CLCN7: variants seen among roughly 807,000 people sequenced by gnomAD.
CLCN7 encodes H(+)/Cl(-) exchange transporter 7.
CLCN7 carries 60 observed loss-of-function variants against 102.1 expected under a neutral mutation model. That is an observed-to-expected ratio of 0.59 (90% CI 0.48 to 0.73). The LOEUF (loss-of-function observed/expected upper bound fraction) is 0.73. CLCN7 is among the 30% of genes least tolerant of loss of function. The pLI, the probability that CLCN7 is intolerant of heterozygous loss-of-function variation, is 0.00. For synonymous variants in CLCN7, 560 were observed against 490.5 expected (o/e 1.14, Z -1.87); for missense variants, 962 against 1,125.7 (o/e 0.85, Z 2.08).
At chr16:1,449,859 T>C (rs1186973526) in intron 17 of CLCN7, 1 of 183,132 alleles carries the variant, frequency 5.5e-6, no homozygotes. Context: ...GGTATTTGAA[T>C]CATGTTTCAA....
intron 4 of CLCN7, 89 bp from the exon 5 acceptor site, chr16:1,461,037 C>T: frequency 1.3e-6 from 2 of 1,525,398 alleles, no homozygotes; most frequent in Non-Finnish European, 1.8e-6. Flanking sequence ...CCTGCAGGCC[C>T]CGGGATTATG....
chr16:1,465,451 G>T (rs1011744380), intron 1 of CLCN7, 113 bp from the exon 2 acceptor site: 16 of 957,390 alleles, frequency 1.7e-5, no homozygotes, highest in Non-Finnish European at 2.6e-5. Flanking sequence ...GGGAGCTCAG[G>T]AATGGGCTAG....
intron 5 of CLCN7, 59 bp from the exon 6 acceptor site, chr16:1,460,586 C>A: frequency 7.1e-7 from 1 of 1,417,764 alleles, no homozygotes; most frequent in Non-Finnish European, 9.9e-7. Flanking sequence ...GCCCAGACCT[C>A]AGCCCTGCCC....
chr16:1,474,370 G>A (rs2039121346), intron 1 of CLCN7: 3 of 353,266 alleles, frequency 8.5e-6, no homozygotes, highest in South Asian at 6.2e-5. Context: ...CTCACTGAAA[G>A]ACAGTGACCC....
chr16:1,452,782 C>G lies in CLCN7; in HGVS notation c.1326G>C (p.Gln442His). Residue 442 changes from glutamine (Q) to histidine (H), a missense_variant, in exon 15 of 25, where the codon CAG becomes CAC. This residue lies in a region of CLCN7 where 799 missense variants were observed against 988.0 expected (regional missense o/e 0.81). Transcript: ENST00000382745. ...IYSSRDCQPL[Q>H]GGSMSYPLQL... The stretch of plus-strand genomic sequence containing the variant: ...GCAGCGGGTAGGACATGGAGCCCCC[C>G]TGCAGGGGCTGGCAATCCCGCGACG... 6.2e-7 allele frequency: 1 copy of G among 1,605,378 alleles called. No homozygotes were observed. Among genetic ancestry groups the G allele is most frequent in the Non-Finnish European group, 8.5e-7 (1 of 1,176,570 alleles).
Position 1,461,615 on chromosome 16 carries a change from G to T in CLCN7, c.273C>A (p.Ser91=). The T allele has an allele frequency of 6.2e-7, 1 of 1,614,142 alleles. No homozygotes were observed. Among genetic ancestry groups the T allele is most frequent in the Middle Eastern group, 1.6e-4 (1 of 6,062 alleles). The change falls in exon 3 of 25, where the codon TCC becomes TCA. Residue 91 remains serine, a synonymous_variant. Transcript: ENST00000382745. ...GAAGGACGCCCACCTCATACTTGAG[G>T]GACAGGAGCTTCTCGTTGTGTGGGA... ...KEIPHNEKLL[S]LKYESLDYDN...
At position 1,449,594 on chromosome 16, in the gene CLCN7, C is replaced by G. The variant is rs540222536; in HGVS notation, c.1618-267G>C. 4 of 573,762 alleles carry G rather than the reference C, an allele frequency of 7.0e-6. No individual in the cohort carries two copies. The African/African-American group carries it at 7.5e-5, about 11-fold the overall frequency. 35.5% of individuals were successfully genotyped at this position (573,762 alleles called of 1,614,324 possible). A position where few individuals can be genotyped will look rare whatever the true frequency, so the allele number is the denominator to read the frequency against. ...GAGGGCACAGTCACCACGCAGCAGCCCAGGCCAACTAGGGAGCACCGTCCA... is the reference window on the plus strand; with the variant it reads ...GAGGGCACAGTCACCACGCAGCAGCGCAGGCCAACTAGGGAGCACCGTCCA... On this transcript the variant is annotated intron_variant, in intron 17 of 24. Transcript: ENST00000382745.
chr16:1,453,558 G>A (rs2038787335), intron 14 of CLCN7, among the ~76,000 whole-genome samples: 1 of 152,190 alleles, frequency 6.6e-6, no homozygotes. Flanking sequence ...GGCATGCCTC[G>A]CCCAGGCCCG....
chr16:1,453,955 C>T (rs552881278), intron 13 of CLCN7, 61 bp from the exon 14 acceptor site: 30 of 1,547,540 alleles, frequency 1.9e-5, no homozygotes, highest in Middle Eastern at 1.7e-4. Flanking sequence ...CTCCGCCCGC[C>T]GGCTCCCAGA....
Position 1,449,304 on chromosome 16 carries a change from G to A in CLCN7, c.1641C>T (p.Tyr547=), listed in dbSNP as rs1287838939. Residue 547 remains tyrosine, a synonymous_variant, in exon 18 of 25, where the codon TAC becomes TAT. Transcript: ENST00000382745. ...GCTGGGCAGCAGCTCCCATCAGGGC[G>A]TATTTGCCGGGGTCCGCCCAGATCT... ...GAAIWADPGK[Y]ALMGAAAQLG... The A allele has an allele frequency of 2.0e-5, 31 of 1,588,396 alleles. No individual in the cohort carries two copies. Among genetic ancestry groups the A allele is most frequent in the Admixed American group, 5.3e-5 (3 of 56,318 alleles).
chr16:1,451,086 C>T (rs1032590859), intron 16 of CLCN7, among the ~76,000 whole-genome samples: 3 of 152,208 alleles, frequency 2.0e-5, no homozygotes, highest in South Asian at 2.1e-4. Context: ...CGGGTGAGAC[C>T]GCCAGGGACA....
rs1596211495 is a variant in CLCN7, at chr16:1,448,398, T to C, written c.1970A>G (p.Asn657Ser). 5.0e-6 allele frequency: 8 copies of C among 1,612,756 alleles called. No individual in the cohort carries two copies. The highest frequency in any genetic ancestry group is 1.3e-5 in the African/African-American group (1 of 75,048). The stretch of plus-strand genomic sequence containing the variant: ...CTCCACCACGGGGAAGCCGTTGTGA[T>C]TGGACGCCGTGTCGCTCAGCACGTC... Reference protein sequence around the residue: ...IVDVLSDTASNHNGFPVVEHA... With the variant: ...IVDVLSDTASSHNGFPVVEHA... The change falls in exon 21 of 25, where the codon AAT becomes AGT. Residue 657 changes from asparagine (N) to serine (S), a missense_variant. Coordinates refer to ENST00000382745, the MANE Select transcript of CLCN7 (RefSeq NM_001287.6).
At position 1,451,675 on chromosome 16, in the gene CLCN7, G is replaced by C; in HGVS notation, c.1395C>G (p.Ala465=). ...CGCTCTTCTCCGGGGTGTTGAAGAA[G>C]GCCGCAGCCATGGAGTTGTACTCGC... ...ADGEYNSMAA[A]FFNTPEKSVV... Residue 465 remains alanine, a synonymous_variant, in exon 16 of 25, where the codon GCC becomes GCG. Coordinates refer to ENST00000382745, the MANE Select transcript of CLCN7 (RefSeq NM_001287.6). 1 of 1,612,866 alleles carries C rather than the reference G, an allele frequency of 6.2e-7. No homozygotes were observed. Among genetic ancestry groups the C allele is most frequent in the Non-Finnish European group, 8.5e-7 (1 of 1,179,942 alleles).
chr16:1,453,041 C>G (rs1160812499), intron 14 of CLCN7, 148 bp from the exon 15 acceptor site: 42 of 1,214,012 alleles, frequency 3.5e-5, no homozygotes, highest in Non-Finnish European at 4.8e-5. Context: ...GAGTTTTGCT[C>G]TTGTTGCCCA....
At chr16:1,462,654 TA>T (rs1310529213) in intron 2 of CLCN7, among the ~76,000 whole-genome samples, 1 of 50,366 alleles carries the variant, frequency 2.0e-5, no homozygotes, top group East Asian at 6.3e-4. Context: ...CCCCAACTCT[TA>T]AAAAAAAGCC....
chr16:1,453,775 T>C (rs1253690950), intron 14 of CLCN7, 59 bp downstream of exon 14: 1 of 1,530,046 alleles, frequency 6.5e-7, no homozygotes, highest in Non-Finnish European at 9.1e-7. Flanking sequence ...CACGTCCGCT[T>C]TCAAAGGGCC....
At position 1,446,311 on chromosome 16, in the gene CLCN7, C is replaced by T. The variant is rs1490658524; in HGVS notation, c.*320G>A. 9 of 700,744 alleles carry T rather than the reference C, an allele frequency of 1.3e-5. No individual in the cohort carries two copies. Among genetic ancestry groups the T allele is most frequent in the South Asian group, 3.0e-5 (2 of 67,534 alleles). The allele number at this position is 700,744 out of a possible 1,614,324, so 43.4% of individuals were successfully genotyped here. A position where few individuals can be genotyped will look rare whatever the true frequency, so the allele number is the denominator to read the frequency against. On this transcript the variant is annotated 3_prime_UTR_variant, in exon 25 of 25. Coordinates refer to ENST00000382745, the MANE Select transcript of CLCN7 (RefSeq NM_001287.6). The stretch of plus-strand genomic sequence containing the variant: ...ACAGGCACGCAGGTGCCGGCCCTGC[C>T]GCTGGCTCCCAAGAGGCCGATAGCC...
At chr16:1,458,808 C>T (rs2038879197) in intron 7 of CLCN7, among the ~76,000 whole-genome samples, 1 of 152,260 alleles carries the variant, frequency 6.6e-6, no homozygotes, top group South Asian at 2.1e-4. Flanking sequence ...GTGAATCAGT[C>T]ACCACCACGC....
chr16:1,453,897 G>A lies in CLCN7; in HGVS notation c.1154-3C>T, dbSNP rs906791030. On this transcript the variant is annotated splice_region_variant and splice_polypyrimidine_tract_variant and intron_variant, in intron 13 of 24. Transcript: ENST00000382745. ...GAACACTGCTCCAAGCACACCGCCT[G>A]CGAACAGGGGAAAGGCCAGTCAGCG... 1.2e-6 allele frequency: 2 copies of A among 1,613,132 alleles called. No homozygotes were observed. The highest frequency in any genetic ancestry group is 1.6e-4 in the Middle Eastern group (1 of 6,062).
Sources: allele counts gnomAD v4.1 joint callset (sites outside exome capture counted in the v4.1 genomes callset), GRCh38; gene constraint gnomAD v4.1.1; regional missense constraint gnomAD v4.1.1; transcripts MANE v1.5; gene names NCBI Gene and HGNC (gene_info 2026-07-23, HGNC 2026-07-21).